The following GALNT9 variants were observed in gnomAD, a reference collection of about 807,000 sequenced individuals.
GALNT9 encodes polypeptide N-acetylgalactosaminyltransferase 9.
In GALNT9, 47 loss-of-function variants were observed where a neutral mutation model predicts 63.1. The observed-to-expected ratio is 0.75, with a 90% CI of 0.59 to 0.95. The LOEUF is 0.95. Among genes scored for constraint, GALNT9 ranks in the 40% least tolerant of loss-of-function variants. The probability of loss-of-function intolerance (pLI) is 0.00; values close to 1 mark genes in which losing one functional copy is unlikely to be tolerated. For missense variants in GALNT9, 829 were observed against 874.8 expected (o/e 0.95, Z 0.66); for synonymous variants, 396 against 365.7 (o/e 1.08, Z -0.94).
At chr12:132,284,126 C>T (rs1345035536) in intron 2 of GALNT9, 7 of 151,758 alleles carry the variant, frequency 4.6e-5, no homozygotes, top group African/African-American at 1.5e-4. Flanking sequence ...TGCACACACG[C>T]ACATGCACGC....
chr12:132,204,323 C>A (rs1018453528), intron 6 of GALNT9, among the ~76,000 whole-genome samples: 1 of 152,172 alleles, frequency 6.6e-6, no homozygotes, highest in African/African-American at 2.4e-5. Context: ...CCGGTTTGTC[C>A]CCCCGCGCTG....
intron 6 of GALNT9, among the ~76,000 whole-genome samples, chr12:132,209,399 A>C (rs1177667149): frequency 6.6e-6 from 1 of 152,040 alleles, no homozygotes; most frequent in Non-Finnish European, 1.5e-5. Flanking sequence ...AAAAATAAAA[A>C]ATTAGCTGGG....
intron 1 of GALNT9, among the ~76,000 whole-genome samples, chr12:132,304,483 ACCCAGACACACCCTTG>A: frequency 4.4e-5 from 2 of 45,832 alleles, no homozygotes; most frequent in African/African-American, 1.2e-4. Context: ...GCACACGCTC[ACCCAGACACACCCTTG>A]CCCGGGCACA....
Position 132,329,215 on chromosome 12 carries a change from C to A in GALNT9, c.-12G>T, listed in dbSNP as rs1314543184. ...CTGGCCACCGCCATGAACACGGCTGCAGCGGGGGCCTCACCCGCGGGGCAT... is the reference window on the plus strand; with the variant it reads ...CTGGCCACCGCCATGAACACGGCTGAAGCGGGGGCCTCACCCGCGGGGCAT... On this transcript the variant is annotated 5_prime_UTR_variant, in exon 1 of 11. Coordinates refer to ENST00000328957, the MANE Select transcript of GALNT9 (RefSeq NM_001122636.2). 3.9e-6 allele frequency: 6 copies of A among 1,537,494 alleles called. No individual in the cohort carries two copies. The East Asian group carries it at 1.5e-4, about 38-fold the overall frequency.
chr12:132,305,095 GGGCACAGCCTCACCCA>G (rs1881532188), intron 1 of GALNT9, among the ~76,000 whole-genome samples: 1 of 74,042 alleles, frequency 1.4e-5, no homozygotes, highest in African/African-American at 7.3e-5. Flanking sequence ...ACCCTCACCC[GGGCACAGCCTCACCCA>G]GACACGCCCT....
At chr12:132,260,278 T>TCGGCCCTGCCCACAACTTGGAGTC in intron 4 of GALNT9, among the ~76,000 whole-genome samples, 1 of 152,086 alleles carries the variant, frequency 6.6e-6, no homozygotes, top group Non-Finnish European at 1.5e-5. Context: ...TGGGGGAAAC[T>TCGGCCCTGCCCACAACTTGGAGTC]CGGCCCTGCC....
At chr12:132,313,578 G>C (rs116340285) in intron 1 of GALNT9, among the ~76,000 whole-genome samples, 1 of 73,652 alleles carries the variant, frequency 1.4e-5, no homozygotes, top group Admixed American at 1.6e-4. Flanking sequence ...ATCCACCCAA[G>C]TACCCAGCCA....
chr12:132,314,720 C>T (rs1868419841), intron 1 of GALNT9, among the ~76,000 whole-genome samples: 1 of 152,340 alleles, frequency 6.6e-6, no homozygotes, highest in East Asian at 1.9e-4. Flanking sequence ...TGGGCACACC[C>T]TGCTGGGCTC....
intron 6 of GALNT9, among the ~76,000 whole-genome samples, chr12:132,230,596 C>T (rs1877853717): frequency 6.7e-6 from 1 of 149,534 alleles, no homozygotes; most frequent in African/African-American, 2.6e-5. Flanking sequence ...GCCACCTGGC[C>T]CTCGTGGCGG....
Position 132,236,261 on chromosome 12 carries a change from C to T in GALNT9, c.1077+11649G>A, listed in dbSNP as rs1391524224. Among the ~76,000 whole-genome samples the T allele has an allele frequency of 3.3e-5, 5 of 151,976 alleles. No homozygotes were observed. The highest frequency in any genetic ancestry group is 4.8e-5 in the African/African-American group (2 of 41,360). On this transcript the variant is annotated intron_variant, in intron 6 of 10. Transcript: ENST00000328957. The surrounding 1 kb of genome is among the most constrained non-coding windows in gnomAD (Gnocchi z 5.6). ...AATCAGCAATGACAGCCCCGACAGG[C>T]GGCTGGCGGGGAGCGGGTGGGGGCC...
chr12:132,309,043 C>G (rs1318653696), intron 1 of GALNT9, among the ~76,000 whole-genome samples: 3 of 152,246 alleles, frequency 2.0e-5, no homozygotes, highest in African/African-American at 4.8e-5. Context: ...CCTAGAGCCC[C>G]TATTTATGGC....
intron 5 of GALNT9, among the ~76,000 whole-genome samples, chr12:132,250,196 G>GC (rs541749311): frequency 2.5e-3 from 387 of 152,282 alleles, no homozygotes; most frequent in Non-Finnish European, 4.2e-3. Flanking sequence ...GCAAGAGGTT[G>GC]CCCCCCGTGT....
chr12:132,277,192 C>T (rs1880129548), intron 2 of GALNT9: 1 of 154,592 alleles, frequency 6.5e-6, no homozygotes, highest in South Asian at 2.0e-4. Context: ...GTGGGCCGGG[C>T]TGAGCTTGCT....
chr12:132,202,461 C>T lies in GALNT9; in HGVS notation c.1263+1044G>A, dbSNP rs573776471. Among the ~76,000 whole-genome samples the T allele has an allele frequency of 1.1e-4, 16 of 152,270 alleles. No individual in the cohort carries two copies. In the South Asian group the frequency reaches 2.5e-3, roughly 24 times the overall value. On this transcript the variant is annotated intron_variant, in intron 7 of 10. Transcript: ENST00000328957. ...GGTCCAGCCCGGGGCCACTTCAGGCCGTGTCACCCACACGCTGGGGTGCAC... is the reference window on the plus strand; with the variant it reads ...GGTCCAGCCCGGGGCCACTTCAGGCTGTGTCACCCACACGCTGGGGTGCAC...
At position 132,252,844 on chromosome 12, in the gene GALNT9, C is replaced by A. The variant is rs553323899; in HGVS notation, c.960-4817G>T. Among the ~76,000 whole-genome samples, 7 of 151,846 alleles carry A rather than the reference C, an allele frequency of 4.6e-5. No homozygotes were observed. Among genetic ancestry groups the A allele is most frequent in the Non-Finnish European group, 1.0e-4 (7 of 67,980 alleles). Reference sequence around the variant, plus strand: ...GTTGTGGTGAGCCGAGATCGCACCACTGCACTCCAGCCTGGGCAACAACAG... The same window carrying A: ...GTTGTGGTGAGCCGAGATCGCACCAATGCACTCCAGCCTGGGCAACAACAG... On this transcript the variant is annotated intron_variant, in intron 5 of 10. Coordinates refer to ENST00000328957, the MANE Select transcript of GALNT9 (RefSeq NM_001122636.2). The surrounding 1 kb of genome is among the most constrained non-coding windows in gnomAD (Gnocchi z 5.2).
In GALNT9 at chr12:132,329,150, G is replaced by T; in HGVS notation, c.54C>A (p.Phe18Leu). The T allele has an allele frequency of 6.5e-7, 1 of 1,549,356 alleles. No homozygotes were observed. The change falls in exon 1 of 11, where the codon TTC (phenylalanine) becomes TTA (leucine). Residue 18 changes from phenylalanine (F) to leucine (L), a missense_variant. By Grantham distance (22) the Phe-to-Leu change is conservative. Coordinates refer to ENST00000328957, the MANE Select transcript of GALNT9 (RefSeq NM_001122636.2). ...RTLLTVNILV[F>L]VGIVLFSVYC... ...ACACGGAGAACAGGACGATGCCCAC[G>T]AACACCAGGATGTTCACCGTCAGCA...
chr12:132,231,049 C>G (rs1877874808), intron 6 of GALNT9, among the ~76,000 whole-genome samples: 1 of 134,096 alleles, frequency 7.5e-6, no homozygotes, highest in African/African-American at 3.0e-5. Flanking sequence ...ACAGAGGAGA[C>G]AGCGTGGAGT....
chr12:132,243,278 A>C (rs868992792), intron 6 of GALNT9, among the ~76,000 whole-genome samples: 12 of 118,472 alleles, frequency 1.0e-4, no homozygotes, highest in Admixed American at 3.2e-4. Context: ...TACACACACA[A>C]CACACACTTC....
chr12:132,254,182 C>T lies in GALNT9; in HGVS notation c.959+3507G>A, dbSNP rs548869928. On this transcript the variant is annotated intron_variant, in intron 5 of 10. Transcript: ENST00000328957. ...GATTACAGGCACCTGACACCACGCC[C>T]TGCGAATTTTTGTATTTTTAGTAGA... Among the ~76,000 whole-genome samples the T allele has an allele frequency of 9.9e-5, 15 of 152,206 alleles. No homozygotes were observed. In the East Asian group the frequency reaches 2.9e-3, roughly 29 times the overall value.
Sources: gnomAD v4.1 joint callset for allele counts (sites outside exome capture counted in the v4.1 genomes callset) on GRCh38, gnomAD v4.1.1 for gene constraint, Gnocchi (gnomAD v3.1) non-coding constraint, MANE v1.5 for transcripts, NCBI Gene and HGNC (gene_info 2026-07-23, HGNC 2026-07-21) for gene names.